Variants in CDHR1 observed in about 807,000 individuals in gnomAD.
CDHR1 encodes the protein cadherin related family member 1.
Under a neutral mutation model 72.1 loss-of-function variants are expected in CDHR1, and 61 were observed. The observed-to-expected ratio is 0.85, with a 90% CI of 0.69 to 1.05. CDHR1 has a LOEUF of 1.05. CDHR1 is among the 50% of genes least tolerant of loss of function. The pLI is 0.00. For missense variants in CDHR1, 1,186 were observed against 1,115.7 expected, an observed-to-expected ratio of 1.06 and a Z score of -0.90; for synonymous variants, 470 against 448.1, an observed-to-expected ratio of 1.05 and a Z score of -0.62.
rs756095042 is a variant in CDHR1, at chr10:84,211,112, G to A, written c.1432G>A (p.Val478Ile). 178 of 1,614,096 alleles carry A rather than the reference G, an allele frequency of 1.1e-4. 1 individual carries two copies. The highest frequency in any genetic ancestry group is 3.3e-4 in the Middle Eastern group (2 of 6,084). ...CCCCAAGTTCGACTCCCTCTACTAC[G>A]TTGCCAGGATTCCTGAGAACGCCCC... is the stretch of plus-strand genomic sequence containing the variant. Reference protein sequence around the residue: ...NVPKFDSLYYVARIPENAPGG... With the variant: ...NVPKFDSLYYIARIPENAPGG... The change falls in exon 13 of 17, where the codon GTT becomes ATT. Residue 478 changes from valine (V) to isoleucine (I), a missense_variant. Coordinates refer to ENST00000623527, the MANE Select transcript of CDHR1 (RefSeq NM_033100.4).
rs771088633 is a variant in CDHR1, at chr10:84,211,035, T to C, written c.1355T>C (p.Phe452Ser). Residue 452 changes from phenylalanine to serine, a missense_variant, in exon 13 of 17, where the codon TTC becomes TCC. Phe to Ser is a radical substitution (Grantham distance 155). Transcript: ENST00000623527. ...GTTGAAGTGAACACCCCAGAGAAGT[T>C]CAGTTCCACAGCGGATGTTGTGATC... ...LAVEVNTPEK[F>S]SSTADVVIQL... 2 of 1,614,114 alleles carry C rather than the reference T, an allele frequency of 1.2e-6. No individual in the cohort carries two copies. Among genetic ancestry groups the C allele is most frequent in the East Asian group, 4.5e-5 (2 of 44,876 alleles).
At position 84,213,342 on chromosome 10, in the gene CDHR1, T is replaced by G; in HGVS notation, c.2034T>G (p.Asp678Glu). 1 of 1,614,144 alleles carries G rather than the reference T, an allele frequency of 6.2e-7. No homozygotes were observed. Among genetic ancestry groups the G allele is most frequent in the African/African-American group, 1.3e-5 (1 of 75,040 alleles). Residue 678 changes from aspartate (D) to glutamate (E), a missense_variant, in exon 16 of 17, where the codon GAT (aspartate) becomes GAG (glutamate). By Grantham distance (45) the Asp-to-Glu change is conservative (BLOSUM62 2). Coordinates refer to ENST00000623527, the MANE Select transcript of CDHR1 (RefSeq NM_033100.4). The part of the protein sequence containing the change: ...TTALLKIDIT[D>E]AETLSRSPMA... ...CCTTACTCAAGATTGACATCACAGA[T>G]GCTGAGGTGAGTACAAAGCCATGGT...
chr10:84,213,858 G>C (rs985989382), intron 16 of CDHR1, among the ~76,000 whole-genome samples: 2 of 152,322 alleles, frequency 1.3e-5, no homozygotes, highest in East Asian at 1.9e-4. Flanking sequence ...AGAGTGGTCT[G>C]CACCATGCTG....
intron 6 of CDHR1, among the ~76,000 whole-genome samples, chr10:84,201,162 C>A (rs971298912): frequency 6.6e-6 from 1 of 152,236 alleles, no homozygotes; most frequent in South Asian, 2.1e-4. Flanking sequence ...ACTTTCCCAG[C>A]TCAGTTTCCT....
rs1290094959 is a variant in CDHR1 at position 84,200,826 on chromosome 10, G to C, written c.525+139G>C. On this transcript the variant is annotated intron_variant, in intron 6 of 16. Transcript: ENST00000623527. ...GTACATGAAGGGTTGGGATGGGCAGGAGGGGATGTGAGAGGGACAGAAGCC... is the reference window on the plus strand; with the variant it reads ...GTACATGAAGGGTTGGGATGGGCAGCAGGGGATGTGAGAGGGACAGAAGCC... 5.8e-6 allele frequency: 4 copies of C among 683,914 alleles called. 1 individual carries two copies. In the South Asian group the frequency reaches 6.7e-5, roughly 11 times the overall value. The allele number at this position is 683,914 out of a possible 1,614,324, so 42.4% of individuals were successfully genotyped here.
rs1842429784 is a variant in CDHR1 at position 84,216,637 on chromosome 10, T to TCCATTCTTCGAC, written c.*2019_*2030dup. On this transcript the variant is annotated 3_prime_UTR_variant, in exon 17 of 17. Transcript: ENST00000623527. ...CCTCCTGGCTGCTTCAGCAGGTGGA[T>TCCATTCTTCGAC]CCATTCTTCGACCCCCAGATGTGAC... The TCCATTCTTCGAC allele has an allele frequency of 1.0e-6, 1 of 985,366 alleles. No homozygotes were observed. Among genetic ancestry groups the TCCATTCTTCGAC allele is most frequent in the African/African-American group, 1.7e-5 (1 of 57,252 alleles). The allele number at this position is 985,366 out of a possible 1,614,324, so 61.0% of individuals were successfully genotyped here. A position where few individuals can be genotyped will look rare whatever the true frequency, so the allele number is the denominator to read the frequency against.
chr10:84,206,946 G>A (rs1842237375), intron 10 of CDHR1, among the ~76,000 whole-genome samples: 1 of 152,200 alleles, frequency 6.6e-6, no homozygotes, highest in Non-Finnish European at 1.5e-5. Flanking sequence ...TGCACAGAAT[G>A]AGGAAATTGC....
At position 84,203,036 on chromosome 10, in the gene CDHR1, C is replaced by T. The variant is rs1348920269; in HGVS notation, c.696C>T (p.Val232=). 1.2e-6 allele frequency: 2 copies of T among 1,614,242 alleles called. No individual in the cohort carries two copies. The highest frequency in any genetic ancestry group is 3.3e-5 in the Admixed American group (2 of 60,036). Residue 232 remains valine, a synonymous_variant, in exon 8 of 17, where the codon GTC becomes GTT. Coordinates refer to ENST00000623527, the MANE Select transcript of CDHR1 (RefSeq NM_033100.4). ...TGGTGTTCTCAGCCACCACCACGGT[C>T]ACGGTCAATGTGGAGGATGTTCAGG... ...ADVVFSATTT[V]TVNVEDVQDM... is the part of the protein sequence containing the mutation.
chr10:84,208,051 C>A, intron 10 of CDHR1, 123 bp from the exon 11 acceptor site: 1 of 835,926 alleles, frequency 1.2e-6, no homozygotes, highest in Non-Finnish European at 2.1e-6. Flanking sequence ...TCAGTTAGAA[C>A]CAAGTTGCTA....
At chr10:84,196,255 C>T (rs1381563576) in intron 2 of CDHR1, among the ~76,000 whole-genome samples, 2 of 152,158 alleles carry the variant, frequency 1.3e-5, no homozygotes, top group Non-Finnish European at 2.9e-5. Context: ...TGCTCTGTAA[C>T]CCGTGTTATA....
chr10:84,198,967 C>T lies in CDHR1; in HGVS notation c.349-65C>T, dbSNP rs991989982. On this transcript the variant is annotated intron_variant, in intron 4 of 16. Transcript: ENST00000623527. Reference sequence around the variant, plus strand: ...ACGTGTACATTGGAGTGATAGAGGTCGCTATCCATTCATCCTTCAGAAGGT... The same window carrying T: ...ACGTGTACATTGGAGTGATAGAGGTTGCTATCCATTCATCCTTCAGAAGGT... 3.0e-5 allele frequency: 36 copies of T among 1,188,852 alleles called. 2 individuals carry two copies. The highest frequency in any genetic ancestry group is 2.7e-4 in the South Asian group (21 of 76,836). 73.6% of individuals were successfully genotyped at this position (1,188,852 alleles called of 1,614,324 possible).
At chr10:84,212,776 T>C (rs1310106982) in intron 15 of CDHR1, 2 of 531,166 alleles carry the variant, frequency 3.8e-6, no homozygotes, top group Admixed American at 6.4e-5. Context: ...TGACTCCCTT[T>C]CTTATACCTC....
In CDHR1 at chr10:84,214,184, A is replaced by C. The variant is rs1564666277; in HGVS notation, c.2143A>C (p.Ile715Leu). ...CGGCACCATGGCCACCGTCGTGGCC[A>C]TCACTGTCCTCATCTCCACCGCCAC... is the stretch of plus-strand genomic sequence containing the variant. ...LAGTMATVVA[I>L]TVLISTATFW... The change falls in exon 17 of 17, where the codon ATC becomes CTC. Residue 715 changes from isoleucine (I) to leucine (L), a missense_variant. Ile to Leu is a conservative substitution (Grantham distance 5). Transcript: ENST00000623527. 3.7e-6 allele frequency: 6 copies of C among 1,614,156 alleles called. No individual in the cohort carries two copies. The highest frequency in any genetic ancestry group is 3.3e-4 in the Middle Eastern group (2 of 6,062).
chr10:84,214,354 G>T lies in CDHR1; in HGVS notation c.2313G>T (p.Glu771Asp). Reference sequence around the variant, plus strand: ...CCGCTACCAAGTTCATGCTCAAAGAGAAACCTCCCAATGAGAACTGTAACA... The same window carrying T: ...CCGCTACCAAGTTCATGCTCAAAGATAAACCTCCCAATGAGAACTGTAACA... ...TKAATKFMLK[E>D]KPPNENCNNN... is the part of the protein sequence containing the mutation. Residue 771 changes from glutamate (E) to aspartate (D), a missense_variant, in exon 17 of 17, where the codon GAG (glutamate) becomes GAT (aspartate). By Grantham distance (45) the Glu-to-Asp change is conservative. Transcript: ENST00000623527. The T allele has an allele frequency of 6.2e-7, 1 of 1,614,186 alleles. No individual in the cohort carries two copies. Among genetic ancestry groups the T allele is most frequent in the Non-Finnish European group, 8.5e-7 (1 of 1,180,046 alleles).
Position 84,194,701 on chromosome 10 carries a change from G to T in CDHR1, c.-60G>T, listed in dbSNP as rs1841994641. On this transcript the variant is annotated 5_prime_UTR_variant, in exon 1 of 17. The change abolishes an upstream ATG in the 5' untranslated region. Transcript: ENST00000623527. ...TGCCCTCCCCGCGGGCCCAGGGCAT[G>T]CTCCGTGCCCCTGCGCCCGGTCTCG... 2 of 1,394,998 alleles carry T rather than the reference G, an allele frequency of 1.4e-6. No homozygotes were observed. The highest frequency in any genetic ancestry group is 3.0e-5 in the South Asian group (2 of 67,480). 86.4% of individuals were successfully genotyped at this position (1,394,998 alleles called of 1,614,324 possible).
chr10:84,214,246 A>C lies in CDHR1; in HGVS notation c.2205A>C (p.Pro735=), dbSNP rs1842388430. 6.2e-7 allele frequency: 1 copy of C among 1,613,674 alleles called. No homozygotes were observed. Among genetic ancestry groups the C allele is most frequent in the South Asian group, 1.1e-5 (1 of 91,070 alleles). Reference sequence around the variant, plus strand: ...ACAAGAAGTCTAACAAGGTCCTGCCAATGCGGCGGGTGCTCCGCAAGCGGC... The same window carrying C: ...ACAAGAAGTCTAACAAGGTCCTGCCCATGCGGCGGGTGCTCCGCAAGCGGC... ...WRNKKSNKVL[P]MRRVLRKRPS... Residue 735 remains proline, a synonymous_variant, in exon 17 of 17, where the codon CCA becomes CCC. Coordinates refer to ENST00000623527, the MANE Select transcript of CDHR1 (RefSeq NM_033100.4).
At position 84,194,691 on chromosome 10, in the gene CDHR1, C is replaced by T. The variant is rs1026943521; in HGVS notation, c.-70C>T. 1 of 1,310,996 alleles carries T rather than the reference C, an allele frequency of 7.6e-7. No homozygotes were observed. The highest frequency in any genetic ancestry group is 1.0e-6 in the Non-Finnish European group (1 of 1,004,908). 81.2% of individuals were successfully genotyped at this position (1,310,996 alleles called of 1,614,324 possible). ...TTGTGGTCTCTGCCCTCCCCGCGGG[C>T]CCAGGGCATGCTCCGTGCCCCTGCG... On this transcript the variant is annotated 5_prime_UTR_variant, in exon 1 of 17. Transcript: ENST00000623527.
In CDHR1 at chr10:84,202,967, G is replaced by A. The variant is rs1229456192; in HGVS notation, c.640-13G>A. The A allele has an allele frequency of 1.1e-5, 17 of 1,614,002 alleles. No homozygotes were observed. Among genetic ancestry groups the A allele is most frequent in the Non-Finnish European group, 1.3e-5 (15 of 1,180,020 alleles). ...TTGTCTTCACTCTCCTGTGGCCTCC[G>A]ATTCTTCTGCAGGATGGCGGTGGGA... On this transcript the variant is annotated splice_polypyrimidine_tract_variant and intron_variant, in intron 7 of 16. Transcript: ENST00000623527.
intron 5 of CDHR1, among the ~76,000 whole-genome samples, chr10:84,199,771 G>A (rs1380569813): frequency 6.6e-6 from 1 of 152,278 alleles, no homozygotes; most frequent in Non-Finnish European, 1.5e-5. Flanking sequence ...ATGCCCACAG[G>A]GTGTTGCCAG....
Sources: gnomAD v4.1 joint callset for allele counts (sites outside exome capture counted in the v4.1 genomes callset) on GRCh38, gnomAD v4.1.1 for gene constraint, MANE v1.5 for transcripts, NCBI Gene and HGNC (gene_info 2026-07-23, HGNC 2026-07-21) for gene names.